HLCS: variants seen among roughly 807,000 people sequenced by gnomAD.
HLCS encodes the protein holocarboxylase synthetase.
HLCS carries 53 observed loss-of-function variants against 75.0 expected under a neutral mutation model. The ratio of observed to expected loss-of-function variants is 0.71; its 90% confidence interval spans 0.57 to 0.89. The LOEUF (loss-of-function observed/expected upper bound fraction) is 0.89, where lower values mean the gene tolerates loss of function less well. Ranked by LOEUF, HLCS falls within the 40% of genes least tolerant of loss-of-function variation. The pLI, the probability that HLCS is intolerant of heterozygous loss-of-function variation, is 0.00. For synonymous variants in HLCS, 431 were observed against 428.6 expected, an observed-to-expected ratio of 1.01 and a Z score of -0.07; for missense variants, 966 against 1,074.0, an observed-to-expected ratio of 0.90 and a Z score of 1.41.
At chr21:36,757,740 T>G (rs778715649) in intron 9 of HLCS, among the ~76,000 whole-genome samples, 3 of 152,170 alleles carry the variant, frequency 2.0e-5, no homozygotes, top group Non-Finnish European at 4.4e-5. Context: ...AAAGCAATTG[T>G]CAATTACCTC....
At chr21:36,876,778 A>C (rs901298550) in intron 6 of HLCS, among the ~76,000 whole-genome samples, 7 of 152,182 alleles carry the variant, frequency 4.6e-5, no homozygotes, top group Non-Finnish European at 1.0e-4. Context: ...AGTGGTTGAG[A>C]GTGTTATCCA....
chr21:36,849,683 C>T lies in HLCS; in HGVS notation c.1892+47177G>A, dbSNP rs548902546. On this transcript the variant is annotated intron_variant, in intron 6 of 10. Coordinates refer to ENST00000674895, the MANE Select transcript of HLCS (RefSeq NM_001352514.2). The stretch of plus-strand genomic sequence containing the variant: ...ACTGAACTGCCAGCATCCGGCTCTG[C>T]CTGTCTTTGGCTTCTGGCTTGCTTT... 3.9e-5 allele frequency among the ~76,000 whole-genome samples: 6 copies of T among 152,350 alleles called. No individual in the cohort carries two copies. In the East Asian group the frequency reaches 1.2e-3, roughly 29 times the overall value.
intron 6 of HLCS, among the ~76,000 whole-genome samples, chr21:36,879,322 T>C (rs1202992272): frequency 6.6e-6 from 1 of 152,196 alleles, no homozygotes; most frequent in East Asian, 1.9e-4. Flanking sequence ...AATATGATTA[T>C]TTATAATAGG....
intron 6 of HLCS, among the ~76,000 whole-genome samples, chr21:36,847,712 C>G (rs1239320149): frequency 6.6e-6 from 1 of 152,304 alleles, no homozygotes; most frequent in East Asian, 1.9e-4. Flanking sequence ...AAACGTGACT[C>G]TATTTCTTTC....
chr21:36,882,674 G>T (rs75421902), intron 6 of HLCS, among the ~76,000 whole-genome samples: 2 of 145,684 alleles, frequency 1.4e-5, no homozygotes, highest in Non-Finnish European at 3.0e-5. Context: ...TGTTAACCAG[G>T]ATGGCCTCGA....
rs2062929960 is a variant in HLCS, at chr21:36,849,909, A to G, written c.1892+46951T>C. Among the ~76,000 whole-genome samples, 3 of 152,240 alleles carry G rather than the reference A, an allele frequency of 2.0e-5. No individual in the cohort carries two copies. The South Asian group carries it at 6.2e-4, about 32-fold the overall frequency. On this transcript the variant is annotated intron_variant, in intron 6 of 10. Transcript: ENST00000674895. ...CACTTTGATGCAAAAGGGCCTCAGC[A>G]TGGATGCACGCCTTATCTATGAGAA...
intron 5 of HLCS, among the ~76,000 whole-genome samples, chr21:36,927,116 T>G (rs555120719): frequency 6.6e-6 from 1 of 152,226 alleles, no homozygotes; most frequent in African/African-American, 2.4e-5. Flanking sequence ...GTTTAACTTT[T>G]TGTCATTTTG....
At chr21:36,782,123 A>AT (rs2060553961) in intron 6 of HLCS, among the ~76,000 whole-genome samples, 1 of 152,086 alleles carries the variant, frequency 6.6e-6, no homozygotes, top group South Asian at 2.1e-4. Context: ...CTGGCCTGTA[A>AT]TTTTTATACT....
chr21:36,989,720 G>A (rs1410363552), intron 1 of HLCS, among the ~76,000 whole-genome samples: 2 of 152,190 alleles, frequency 1.3e-5, no homozygotes, highest in African/African-American at 4.8e-5. Flanking sequence ...CCCACACGCA[G>A]GTCCTAGTCA....
At chr21:36,852,912 C>T (rs1453096544) in intron 6 of HLCS, among the ~76,000 whole-genome samples, 1 of 152,140 alleles carries the variant, frequency 6.6e-6, no homozygotes, top group Admixed American at 6.5e-5. Flanking sequence ...CAGGACCTGA[C>T]AGATTTATAA....
At chr21:36,794,408 C>T (rs183732678) in intron 6 of HLCS, among the ~76,000 whole-genome samples, 30 of 152,334 alleles carry the variant, frequency 2.0e-4, no homozygotes, top group African/African-American at 7.0e-4. Context: ...ATAGTGAGAG[C>T]ATACCATGAA....
In HLCS at chr21:36,896,868, G is replaced by T; in HGVS notation, c.1884C>A (p.Leu628=). ...ACCTGCTCACACCTTACCCATCCAG[G>T]AGACGCATCGTTGTGGGGGTCACTT... The part of the protein sequence containing the change: ...FAEVTPTTMR[L]LDGLMFQTPQ... The change falls in exon 6 of 11, where the codon CTC becomes CTA. Residue 628 remains leucine, a synonymous_variant. Coordinates refer to ENST00000674895, the MANE Select transcript of HLCS (RefSeq NM_001352514.2). 1 of 1,614,040 alleles carries T rather than the reference G, an allele frequency of 6.2e-7. No individual in the cohort carries two copies. The highest frequency in any genetic ancestry group is 1.1e-5 in the South Asian group (1 of 91,082).
intron 1 of HLCS, among the ~76,000 whole-genome samples, chr21:36,985,370 C>T (rs1017273279): frequency 1.3e-5 from 2 of 152,234 alleles, no homozygotes; most frequent in Admixed American, 6.5e-5. Context: ...CGGTGGCTCA[C>T]GCCTGTAATC....
intron 6 of HLCS, among the ~76,000 whole-genome samples, chr21:36,873,978 T>C (rs2898312): frequency 0.48 from 73,267 of 151,990 alleles, 19,743 homozygotes; most frequent in African/African-American, 0.73. Context: ...AAATTTCTTC[T>C]TAGTCGCAAG....
At position 36,767,240 on chromosome 21, in the gene HLCS, C is replaced by T. The variant is rs370347318; in HGVS notation, c.1938G>A (p.Ala646=). 1.1e-4 allele frequency: 172 copies of T among 1,614,174 alleles called. No homozygotes were observed. Among genetic ancestry groups the T allele is most frequent in the African/African-American group, 2.4e-4 (18 of 75,044 alleles). Residue 646 remains alanine, a synonymous_variant, in exon 7 of 11, where the codon GCG becomes GCA. Coordinates refer to ENST00000674895, the MANE Select transcript of HLCS (RefSeq NM_001352514.2). ...TPQEMGLIVI[A]ARQTEGKGRG... Reference sequence around the variant, plus strand: ...GACCTTTGCCCTCGGTCTGCCGGGCCGCGATCACTATTAAGCCCATTTCCT... The same window carrying T: ...GACCTTTGCCCTCGGTCTGCCGGGCTGCGATCACTATTAAGCCCATTTCCT...
upstream of HLCS, chr21:36,969,554 T>C (rs937610371): frequency 6.6e-6 from 1 of 151,208 alleles, no homozygotes; most frequent in Non-Finnish European, 1.5e-5. Context: ...TCCAAAATGA[T>C]GTGGAAAATA....
At chr21:36,779,201 TTGG>T (rs2060452863) in intron 6 of HLCS, among the ~76,000 whole-genome samples, 1 of 152,108 alleles carries the variant, frequency 6.6e-6, no homozygotes, top group African/African-American at 2.4e-5. Flanking sequence ...ATAATCTGCT[TTGG>T]TTGAAAAAAT....
At chr21:36,756,936 C>T in intron 9 of HLCS, 181 bp from the exon 10 acceptor site, 1 of 985,360 alleles carries the variant, frequency 1.0e-6, no homozygotes, top group Non-Finnish European at 1.2e-6. Flanking sequence ...TCCTTTTTGT[C>T]CTTCTTTTAT....
chr21:36,934,445 C>T (rs531497102), intron 4 of HLCS, among the ~76,000 whole-genome samples: 1 of 152,292 alleles, frequency 6.6e-6, no homozygotes, highest in East Asian at 1.9e-4. Context: ...CTAAGCTAAA[C>T]AAGAAAACAA....
Sources: allele counts gnomAD v4.1 joint callset (sites outside exome capture counted in the v4.1 genomes callset), GRCh38; gene constraint gnomAD v4.1.1; transcripts MANE v1.5; gene names NCBI Gene and HGNC (gene_info 2026-07-23, HGNC 2026-07-21).